C5: variants seen among roughly 807,000 people sequenced by gnomAD.
C5 encodes the protein complement C5.
Under a neutral mutation model 218.8 loss-of-function variants are expected in C5, and 140 were observed. That is an observed-to-expected ratio of 0.64 (90% CI 0.56 to 0.74). The LOEUF (loss-of-function observed/expected upper bound fraction) is 0.74, where lower values mean the gene tolerates loss of function less well. C5 is among the 30% of genes least tolerant of loss of function. The pLI, the probability that C5 is intolerant of heterozygous loss-of-function variation, is 0.00. For missense variants in C5, 1,700 were observed against 1,969.6 expected, an observed-to-expected ratio of 0.86 and a Z score of 2.59; for synonymous variants, 614 against 682.3, an observed-to-expected ratio of 0.90 and a Z score of 1.56.
intron 39 of C5, 150 bp downstream of exon 39, chr9:120,957,135 A>G (rs569050037): frequency 1.6e-6 from 1 of 622,554 alleles, no homozygotes; most frequent in African/African-American, 1.8e-5. Context: ...TCTTTAAAAA[A>G]TGTTTCTCCC....
In C5 at chr9:120,970,256, A is replaced by C; in HGVS notation, c.4081-5T>G. ...TTTGTGAACTACAGTTGTTACCTAC[A>C]TTGGGGACAAGTAAGCAAGAAGATT... On this transcript the variant is annotated splice_polypyrimidine_tract_variant and splice_region_variant and intron_variant, in intron 31 of 40. Transcript: ENST00000223642. The C allele has an allele frequency of 6.3e-7, 1 of 1,596,774 alleles. No homozygotes were observed. Among genetic ancestry groups the C allele is most frequent in the Admixed American group, 1.7e-5 (1 of 59,992 alleles).
intron 33 of C5, among the ~76,000 whole-genome samples, chr9:120,968,375 C>G (rs1029410900): frequency 2.0e-5 from 3 of 152,162 alleles, no homozygotes; most frequent in Non-Finnish European, 2.9e-5. Context: ...CTGGAATAGG[C>G]AAAGAAATTC....
chr9:121,020,753 C>T (rs562593432), intron 11 of C5, among the ~76,000 whole-genome samples: 53 of 152,346 alleles, frequency 3.5e-4, no homozygotes, highest in African/African-American at 1.3e-3. Context: ...CAGGTACACA[C>T]TGGTTCACAT....
At chr9:120,963,595 A>C (rs777247878) in intron 34 of C5, 41 bp downstream of exon 34, 1 of 1,319,714 alleles carries the variant, frequency 7.6e-7, no homozygotes, top group East Asian at 2.3e-5. Context: ...TCAGAAAAGA[A>C]AATGAAGCAT....
chr9:121,061,190 AAAT>A, the C5 span, among the ~76,000 whole-genome samples: 2 of 152,058 alleles, frequency 1.3e-5, no homozygotes, highest in Non-Finnish European at 2.9e-5. Context: ...TCTGTCTCAA[AAAT>A]AATAATAAAA....
chr9:121,021,731 T>C lies in C5; in HGVS notation c.1117-37A>G, dbSNP rs142694703. 18 of 1,473,058 alleles carry C rather than the reference T, an allele frequency of 1.2e-5. No individual in the cohort carries two copies. In the East Asian group the frequency reaches 4.1e-4, roughly 33 times the overall value. The allele number at this position is 1,473,058 out of a possible 1,614,324, so 91.2% of individuals were successfully genotyped here. On this transcript the variant is annotated intron_variant, in intron 10 of 40. Coordinates refer to ENST00000223642, the MANE Select transcript of C5 (RefSeq NM_001735.3). Reference sequence around the variant, plus strand: ...AACAATCCAAATCTATTTCAACAGCTCATCACTTATTTTAAAGCACAATTC... The same window carrying C: ...AACAATCCAAATCTATTTCAACAGCCCATCACTTATTTTAAAGCACAATTC...
chr9:121,056,313 G>C, the C5 span, among the ~76,000 whole-genome samples: 1 of 152,146 alleles, frequency 6.6e-6, no homozygotes, highest in Non-Finnish European at 1.5e-5. Flanking sequence ...TAATCAGACA[G>C]GGAATTCAAA....
chr9:121,014,455 T>C (rs2047289439), intron 16 of C5, among the ~76,000 whole-genome samples: 1 of 152,234 alleles, frequency 6.6e-6, no homozygotes, highest in Non-Finnish European at 1.5e-5. Context: ...ATCATCACTA[T>C]ACAAATATTT....
chr9:121,024,429 G>A (rs1371738722), intron 9 of C5, among the ~76,000 whole-genome samples: 2 of 150,848 alleles, frequency 1.3e-5, no homozygotes, highest in Non-Finnish European at 3.0e-5. Flanking sequence ...TATCCTCCAG[G>A]TAAAGATTAA....
chr9:120,980,622 G>C (rs1371926616), intron 27 of C5, among the ~76,000 whole-genome samples: 2 of 151,788 alleles, frequency 1.3e-5, no homozygotes, highest in African/African-American at 4.8e-5. Flanking sequence ...ACGGAGTCTC[G>C]CTCTGTCGCC....
Position 120,980,190 on chromosome 9 carries a change from C to T in C5, c.3551G>A (p.Ser1184Asn). 6.2e-7 allele frequency: 1 copy of T among 1,614,092 alleles called. No individual in the cohort carries two copies. Among genetic ancestry groups the T allele is most frequent in the Non-Finnish European group, 8.5e-7 (1 of 1,179,982 alleles). Residue 1184 changes from serine (S) to asparagine (N), a missense_variant, in exon 28 of 41, where the codon AGC becomes AAC. Ser to Asn is a conservative substitution (Grantham distance 46). Transcript: ENST00000223642. ...FLLENTLPAQ[S>N]TFTLAISAYA... ...CGCAGAAATGGCCAATGTAAAGGTG[C>T]TCTGGGCTGGCAGTGTATTTTCAAG...
intron 9 of C5, among the ~76,000 whole-genome samples, chr9:121,024,689 T>C (rs1232882645): frequency 2.0e-5 from 3 of 152,186 alleles, no homozygotes; most frequent in Admixed American, 6.5e-5. Context: ...TTCACAACAC[T>C]GTTCTTGCTT....
the C5 span, among the ~76,000 whole-genome samples, chr9:121,071,564 A>T: frequency 3.3e-5 from 5 of 152,116 alleles, no homozygotes; most frequent in African/African-American, 4.8e-5. Context: ...GCACACCTAT[A>T]GACTGAGCTA....
intron 15 of C5, 107 bp from the exon 16 acceptor site, chr9:121,015,368 C>A (rs956221291): frequency 2.8e-6 from 2 of 714,474 alleles, no homozygotes; most frequent in Non-Finnish European, 4.8e-6. Context: ...ACAAGTCATT[C>A]CTTAACAAAT....
chr9:121,013,051 G>A (rs1381796325), intron 17 of C5, among the ~76,000 whole-genome samples: 2 of 152,144 alleles, frequency 1.3e-5, no homozygotes, highest in African/African-American at 4.8e-5. Context: ...TGGGCACAGT[G>A]GCTCACGCCT....
intron 5 of C5, among the ~76,000 whole-genome samples, chr9:121,033,505 G>A (rs1247166110): frequency 1.3e-5 from 2 of 152,334 alleles, no homozygotes; most frequent in Admixed American, 6.5e-5. Flanking sequence ...GATGACATGT[G>A]CAAAGGCACG....
intron 22 of C5, among the ~76,000 whole-genome samples, chr9:120,993,310 G>A (rs1472540948): frequency 2.0e-5 from 3 of 152,166 alleles, no homozygotes; most frequent in Non-Finnish European, 2.9e-5. Flanking sequence ...TGCTAACATG[G>A]ATTTTTCAAG....
In C5 at chr9:121,043,134, G is replaced by T; in HGVS notation, c.291C>A (p.Asn97Lys). 1 of 1,613,344 alleles carries T rather than the reference G, an allele frequency of 6.2e-7. No homozygotes were observed. The highest frequency in any genetic ancestry group is 8.5e-7 in the Non-Finnish European group (1 of 1,179,568). Residue 97 changes from asparagine to lysine, a missense_variant, in exon 3 of 41, where the codon AAC becomes AAA. Physicochemically the swap from Asn to Lys is moderately conservative, Grantham distance 94 (BLOSUM62 0). Coordinates refer to ENST00000223642, the MANE Select transcript of C5 (RefSeq NM_001735.3). ...IQPKQLPGGQ[N>K]PVSYVYLEVV... ...CTTCCAAATACACATAAGAAACTGG[G>T]TTTTGTCCTCCAGGCAATTGTTTTG...
chr9:121,040,163 G>A (rs2131813565), intron 3 of C5, among the ~76,000 whole-genome samples: 1 of 152,358 alleles, frequency 6.6e-6, no homozygotes, highest in South Asian at 2.1e-4. Flanking sequence ...GCCTTTAGAA[G>A]GATCTGTGAT....
Sources: gnomAD v4.1 joint callset for allele counts (sites outside exome capture counted in the v4.1 genomes callset) on GRCh38, gnomAD v4.1.1 for gene constraint, MANE v1.5 for transcripts, NCBI Gene and HGNC (gene_info 2026-07-23, HGNC 2026-07-21) for gene names.